The following SPPL3 variants were observed in gnomAD, a reference collection of about 807,000 sequenced individuals.
SPPL3 encodes signal peptide peptidase-like 3.
SPPL3 carries 5 observed loss-of-function variants against 42.4 expected under a neutral mutation model. That is an observed-to-expected ratio of 0.12 (90% CI 0.06 to 0.25). SPPL3 has a LOEUF of 0.25. SPPL3 is among the 10% of genes least tolerant of loss of function. The pLI is 1.00. For missense variants in SPPL3, 235 were observed against 489.0 expected (o/e 0.48, Z 4.90); for synonymous variants, 195 against 181.8 (o/e 1.07, Z -0.58).
At chr12:120,850,060 C>A (rs1247610261) in intron 1 of SPPL3, among the ~76,000 whole-genome samples, 1 of 152,116 alleles carries the variant, frequency 6.6e-6, no homozygotes, top group Non-Finnish European at 1.5e-5. Context: ...TGAAATACTA[C>A]CCTCTGGAGT....
chr12:120,833,944 GA>G (rs1566055537), intron 1 of SPPL3, among the ~76,000 whole-genome samples: 1 of 152,108 alleles, frequency 6.6e-6, no homozygotes, highest in Non-Finnish European at 1.5e-5. Context: ...AGCTGACTGT[GA>G]GTCTGCACAG....
intron 1 of SPPL3, among the ~76,000 whole-genome samples, chr12:120,870,154 GA>G (rs1433831848): frequency 6.6e-6 from 1 of 151,844 alleles, no homozygotes; most frequent in Non-Finnish European, 1.5e-5. Context: ...AAGTAATAAA[GA>G]AAAAAAAGGG....
intron 1 of SPPL3, among the ~76,000 whole-genome samples, chr12:120,834,383 T>C (rs549247749): frequency 6.6e-6 from 1 of 151,974 alleles, no homozygotes; most frequent in African/African-American, 2.4e-5. Context: ...CCAACAGGGG[T>C]TGGAGTGGGC....
intron 1 of SPPL3, among the ~76,000 whole-genome samples, chr12:120,885,131 A>C (rs1176511924): frequency 6.6e-6 from 1 of 152,192 alleles, no homozygotes; most frequent in Non-Finnish European, 1.5e-5. Flanking sequence ...ACTAAAAGAC[A>C]TTTCTTTCTT....
chr12:120,877,431 T>C (rs1566067443), intron 1 of SPPL3, among the ~76,000 whole-genome samples: 1 of 152,132 alleles, frequency 6.6e-6, no homozygotes, highest in African/African-American at 2.4e-5. Flanking sequence ...GTCTCATGAA[T>C]AGAGACATGA....
chr12:120,881,800 C>T (rs200192701), intron 1 of SPPL3, among the ~76,000 whole-genome samples: 1 of 144,322 alleles, frequency 6.9e-6, no homozygotes, highest in Non-Finnish European at 1.5e-5. Context: ...AAGCCAATAA[C>T]AAAAAAAAAA....
At chr12:120,783,793 G>C (rs1223051116) in intron 4 of SPPL3, 41 bp from the exon 5 acceptor site, 3 of 1,565,174 alleles carry the variant, frequency 1.9e-6, no homozygotes, top group Non-Finnish European at 2.6e-6. Context: ...ACAATTATAA[G>C]AAAAATGGCA....
At chr12:120,789,677 T>C (rs1869847031) in intron 3 of SPPL3, among the ~76,000 whole-genome samples, 1 of 150,958 alleles carries the variant, frequency 6.6e-6, no homozygotes, top group Non-Finnish European at 1.5e-5. Context: ...ATACAAAAAT[T>C]AGCCAGGCAT....
chr12:120,774,812 T>C (rs1442180505), intron 6 of SPPL3, among the ~76,000 whole-genome samples: 2 of 152,094 alleles, frequency 1.3e-5, no homozygotes, highest in Non-Finnish European at 2.9e-5. Context: ...TCTCTTTCCC[T>C]TGCGGCTTTA....
intron 1 of SPPL3, among the ~76,000 whole-genome samples, chr12:120,873,395 C>T (rs986722080): frequency 1.3e-5 from 2 of 152,100 alleles, no homozygotes; most frequent in Non-Finnish European, 2.9e-5. Flanking sequence ...GAAATAACGG[C>T]TGCAAATTTC....
At chr12:120,777,298 G>T (rs967348293) in intron 6 of SPPL3, among the ~76,000 whole-genome samples, 11 of 152,200 alleles carry the variant, frequency 7.2e-5, no homozygotes, top group African/African-American at 2.7e-4. Flanking sequence ...CTATGAGATT[G>T]ATTTGGACTA....
intron 4 of SPPL3, 94 bp downstream of exon 4, chr12:120,784,380 G>A (rs1869643494): frequency 7.7e-7 from 1 of 1,304,328 alleles, no homozygotes; most frequent in Non-Finnish European, 1.0e-6. Flanking sequence ...AAACTTACAT[G>A]ACATGGTATA....
intron 1 of SPPL3, among the ~76,000 whole-genome samples, chr12:120,878,799 G>C (rs1358699496): frequency 6.6e-6 from 1 of 152,088 alleles, no homozygotes; most frequent in Non-Finnish European, 1.5e-5. Context: ...CTACAGCCTT[G>C]CATTCCTTGT....
chr12:120,814,582 G>C (rs1870802882), intron 1 of SPPL3, among the ~76,000 whole-genome samples: 1 of 151,904 alleles, frequency 6.6e-6, no homozygotes, highest in South Asian at 2.1e-4. Flanking sequence ...AAACAAGAAG[G>C]AACATTTTCT....
intron 6 of SPPL3, among the ~76,000 whole-genome samples, chr12:120,781,555 G>GTTTTTTT (rs527339173): frequency 1.6e-5 from 1 of 62,994 alleles, no homozygotes; most frequent in African/African-American, 6.8e-5. Flanking sequence ...TTATTGTTAC[G>GTTTTTTT]TTTTTTTTTT....
At chr12:120,781,128 A>G (rs2136976874) in intron 6 of SPPL3, among the ~76,000 whole-genome samples, 1 of 152,300 alleles carries the variant, frequency 6.6e-6, no homozygotes, top group Admixed American at 6.5e-5. Context: ...TGATCCATGT[A>G]AAGCACCTAG....
intron 1 of SPPL3, among the ~76,000 whole-genome samples, chr12:120,901,217 T>C (rs1375749526): frequency 6.6e-6 from 1 of 152,124 alleles, no homozygotes; most frequent in African/African-American, 2.4e-5. Context: ...CTTGTGAGAA[T>C]TAAATGTGTA....
At chr12:120,866,951 C>T (rs1468810158) in intron 1 of SPPL3, among the ~76,000 whole-genome samples, 2 of 152,158 alleles carry the variant, frequency 1.3e-5, no homozygotes, top group Non-Finnish European at 1.5e-5. Flanking sequence ...AGCAGTTTCT[C>T]TTAAAAATAA....
Position 120,784,498 on chromosome 12 carries a change from C to T in SPPL3, c.286G>A (p.Val96Ile). 1.2e-6 allele frequency: 2 copies of T among 1,612,042 alleles called. No individual in the cohort carries two copies. Among genetic ancestry groups the T allele is most frequent in the Non-Finnish European group, 1.7e-6 (2 of 1,178,840 alleles). ...CCTGCTGTACATATTGTAAAAACTACTTGAACTGAGTCAAAGAAGAAGAAC... is the reference window on the plus strand; with the variant it reads ...CCTGCTGTACATATTGTAAAAACTATTTGAACTGAGTCAAAGAAGAAGAAC... ...VMFFFFDSVQ[V>I]VFTICTAVLA... Residue 96 changes from valine (V) to isoleucine (I), a missense_variant, in exon 4 of 11, where the codon GTA becomes ATA. This residue lies in a region of SPPL3 where 110 missense variants were observed against 186.2 expected (regional missense o/e 0.59). Coordinates refer to ENST00000353487, the MANE Select transcript of SPPL3 (RefSeq NM_139015.5).
Sources: allele counts gnomAD v4.1 joint callset (sites outside exome capture counted in the v4.1 genomes callset), GRCh38; gene constraint gnomAD v4.1.1; regional missense constraint gnomAD v4.1.1; transcripts MANE v1.5; gene names NCBI Gene and HGNC (gene_info 2026-07-23, HGNC 2026-07-21).